Variants in PHKB observed in about 807,000 individuals in gnomAD.
PHKB encodes the protein phosphorylase kinase regulatory subunit beta.
Under a neutral mutation model 152.1 loss-of-function variants are expected in PHKB, and 122 were observed. The observed-to-expected ratio is 0.80, with a 90% CI of 0.69 to 0.93. PHKB has a LOEUF of 0.93. Among genes scored for constraint, PHKB ranks in the 40% least tolerant of loss-of-function variants. The probability of loss-of-function intolerance (pLI) is 0.00; values close to 1 mark genes in which losing one functional copy is unlikely to be tolerated. For missense variants in PHKB, 1,304 were observed against 1,328.4 expected (o/e 0.98, Z 0.29); for synonymous variants, 436 against 464.9 (o/e 0.94, Z 0.80).
chr16:47,641,009 T>C, intron 14 of PHKB, 26 bp from the exon 15 acceptor site: 1 of 1,602,644 alleles, frequency 6.2e-7, no homozygotes, highest in South Asian at 1.1e-5. Flanking sequence ...TAAAATGTTT[T>C]CCCCCTCCCT....
chr16:47,499,992 G>T, intron 3 of PHKB, 98 bp downstream of exon 3: 2 of 1,353,154 alleles, frequency 1.5e-6, no homozygotes, highest in Non-Finnish European at 2.1e-6. Flanking sequence ...CTCTGCTGCT[G>T]ACTCACTGTG....
intron 13 of PHKB, among the ~76,000 whole-genome samples, chr16:47,605,909 C>A (rs778119689): frequency 5.3e-5 from 8 of 152,088 alleles, no homozygotes; most frequent in Non-Finnish European, 1.2e-4. Context: ...CTCTGGGAGT[C>A]GACTGACTGT....
At chr16:47,637,544 C>G (rs1229585562) in intron 14 of PHKB, among the ~76,000 whole-genome samples, 1 of 152,054 alleles carries the variant, frequency 6.6e-6, no homozygotes, top group Non-Finnish European at 1.5e-5. Context: ...TCCCATGACA[C>G]TTAGAGATAA....
chr16:47,579,358 G>A (rs987024877), intron 7 of PHKB, among the ~76,000 whole-genome samples: 1 of 152,090 alleles, frequency 6.6e-6, no homozygotes, highest in Non-Finnish European at 1.5e-5. Context: ...CACCTGGAAG[G>A]CTTTTTAACA....
At chr16:47,659,754 T>C (rs1222818385) in intron 20 of PHKB, among the ~76,000 whole-genome samples, 1 of 152,256 alleles carries the variant, frequency 6.6e-6, no homozygotes, top group African/African-American at 2.4e-5. Context: ...TATCATTGGA[T>C]GGCCCAGAAA....
chr16:47,549,094 A>C (rs1221052662), intron 7 of PHKB, among the ~76,000 whole-genome samples: 1 of 152,226 alleles, frequency 6.6e-6, no homozygotes, highest in East Asian at 1.9e-4. Context: ...AAGTCAGTGA[A>C]GTAGAGGAAT....
rs567603055 is a variant in PHKB at position 47,561,547 on chromosome 16, G to C, written c.710+13999G>C. 3 of 152,312 alleles carry C rather than the reference G, an allele frequency of 2.0e-5. No homozygotes were observed. In the South Asian group the frequency reaches 6.2e-4, roughly 32 times the overall value. The allele number at this position is 152,312 out of a possible 1,614,324, so 9.4% of individuals were successfully genotyped here. On this transcript the variant is annotated intron_variant, in intron 7 of 30. Coordinates refer to ENST00000323584, the MANE Select transcript of PHKB (RefSeq NM_000293.3). Reference sequence around the variant, plus strand: ...TTGTGAATGCATTTTCTAGTTTTGAGCTGCAGGAAGTGGACAGCTGAAGAA... The same window carrying C: ...TTGTGAATGCATTTTCTAGTTTTGACCTGCAGGAAGTGGACAGCTGAAGAA...
rs139068656 is a variant in PHKB at position 47,610,092 on chromosome 16, A to G, written c.1364-734A>G. ...ACTGCACCTTCCACCTCCCAGGTTCAAGCAATTCTCCTGCCTCAGCCTCCT... is the reference window on the plus strand; with the variant it reads ...ACTGCACCTTCCACCTCCCAGGTTCGAGCAATTCTCCTGCCTCAGCCTCCT... On this transcript the variant is annotated intron_variant, in intron 13 of 30. Coordinates refer to ENST00000323584, the MANE Select transcript of PHKB (RefSeq NM_000293.3). 9.2e-3 allele frequency among the ~76,000 whole-genome samples: 1,394 copies of G among 151,752 alleles called. 10 individuals carry two copies. The highest frequency in any genetic ancestry group is 0.016 in the Non-Finnish European group (1,077 of 67,944).
At chr16:47,515,735 G>A (rs1970585162) in intron 6 of PHKB, 134 bp downstream of exon 6, 1 of 653,978 alleles carries the variant, frequency 1.5e-6, no homozygotes, top group South Asian at 1.7e-5. Context: ...GATAGTAGAT[G>A]TTGGTTGTTG....
intron 2 of PHKB, among the ~76,000 whole-genome samples, chr16:47,498,253 G>A (rs1455319107): frequency 2.0e-5 from 3 of 152,088 alleles, no homozygotes; most frequent in East Asian, 1.9e-4. Flanking sequence ...TATCTTTTTG[G>A]CAATAACTAG....
At chr16:47,474,029 T>C (rs1006853755) in intron 1 of PHKB, among the ~76,000 whole-genome samples, 4 of 152,218 alleles carry the variant, frequency 2.6e-5, no homozygotes, top group Non-Finnish European at 5.9e-5. Context: ...TGTGTAATAA[T>C]TGAAATTTGT....
intron 1 of PHKB, among the ~76,000 whole-genome samples, chr16:47,490,899 T>C (rs1414131603): frequency 6.6e-6 from 1 of 152,192 alleles, no homozygotes; most frequent in African/African-American, 2.4e-5. Flanking sequence ...CAAGAATCAT[T>C]TCCACGATCC....
chr16:47,467,535 G>A (rs1969689592), intron 1 of PHKB, among the ~76,000 whole-genome samples: 1 of 152,160 alleles, frequency 6.6e-6, no homozygotes, highest in Admixed American at 6.5e-5. Context: ...CTCGCTTCAT[G>A]TAGCATGGAA....
intron 5 of PHKB, among the ~76,000 whole-genome samples, chr16:47,514,457 C>T (rs1441454490): frequency 1.3e-5 from 2 of 152,176 alleles, no homozygotes; most frequent in African/African-American, 4.8e-5. Context: ...GCTGGATAAC[C>T]TGGAGTTCTG....
intron 13 of PHKB, among the ~76,000 whole-genome samples, chr16:47,607,968 A>C (rs1044782111): frequency 1.3e-5 from 2 of 151,250 alleles, no homozygotes; most frequent in African/African-American, 4.8e-5. Flanking sequence ...CTTATTGGTA[A>C]TTTGTATATC....
chr16:47,515,550 C>A lies in PHKB; in HGVS notation c.543C>A (p.Tyr181Ter). The A allele has an allele frequency of 6.6e-7, 1 of 1,512,122 alleles. No homozygotes were observed. Among genetic ancestry groups the A allele is most frequent in the Non-Finnish European group, 9.2e-7 (1 of 1,087,618 alleles). 93.7% of individuals were successfully genotyped at this position (1,512,122 alleles called of 1,614,324 possible). ...ATGCAGTGTCACTTTATCTCCTTTA[C>A]CTTGTGGAAATGATTTCCTCAGGAC... The part of the protein sequence containing the change: ...QINAVSLYLL[Y>*]LVEMISSGLQ... Residue 181 changes from tyrosine to a stop codon, truncating the protein, a stop_gained, in exon 6 of 31, where the codon TAC becomes TAA. Transcript: ENST00000323584. LOFTEE classifies it high-confidence loss of function.
rs145736940 is a variant in PHKB, at chr16:47,506,139, G to A, written c.405+3049G>A. 2.8e-3 allele frequency among the ~76,000 whole-genome samples: 427 copies of A among 151,384 alleles called. 1 individual carries two copies. The highest frequency in any genetic ancestry group is 3.0e-3 in the Non-Finnish European group (204 of 67,810). On this transcript the variant is annotated intron_variant, in intron 4 of 30. Coordinates refer to ENST00000323584, the MANE Select transcript of PHKB (RefSeq NM_000293.3). ...GAGGCTGAGGCAGGCAGGTAATGAG[G>A]TCAGGAGTTCGAGACCAGCCTGGGC...
chr16:47,663,089 A>C (rs773985899), intron 23 of PHKB, among the ~76,000 whole-genome samples: 1 of 152,174 alleles, frequency 6.6e-6, no homozygotes, highest in Non-Finnish European at 1.5e-5. Context: ...GGCTGTAAAA[A>C]GTTTAGAGTA....
intron 1 of PHKB, among the ~76,000 whole-genome samples, chr16:47,461,674 G>A (rs1969560897): frequency 6.6e-6 from 1 of 152,230 alleles, no homozygotes; most frequent in African/African-American, 2.4e-5. Flanking sequence ...CACTCGGAAA[G>A]TAGGCAGCGG....
Sources: gnomAD v4.1 joint callset for allele counts (sites outside exome capture counted in the v4.1 genomes callset) on GRCh38, gnomAD v4.1.1 for gene constraint, MANE v1.5 for transcripts, NCBI Gene and HGNC (gene_info 2026-07-23, HGNC 2026-07-21) for gene names.